The following KANK1 variants were observed in gnomAD, a reference collection of about 807,000 sequenced individuals.
KANK1 encodes the protein KN motif and ankyrin repeat domain-containing protein 1.
A neutral mutation model predicts 106.2 loss-of-function variants in KANK1; 109 were observed. The ratio of observed to expected loss-of-function variants is 1.03; its 90% CI spans 0.88 to 1.20. The LOEUF (loss-of-function observed/expected upper bound fraction) is 1.20, where lower values mean the gene tolerates loss of function less well. Among genes scored for constraint, KANK1 ranks in the 50% most tolerant of loss-of-function variants. The probability of loss-of-function intolerance (pLI) is 0.00; values close to 1 mark genes in which losing one functional copy is unlikely to be tolerated. For synonymous variants in KANK1, 873 were observed against 652.2 expected (o/e 1.34, Z -5.16); for missense variants, 2,399 against 1,710.7 (o/e 1.40, Z -7.10).
At chr9:620,010 G>A (rs61099076) in intron 1 of KANK1, among the ~76,000 whole-genome samples, 13,082 of 152,000 alleles carry the variant, frequency 0.086, 826 homozygotes, top group East Asian at 0.3. Context: ...GGTGGTGTGC[G>A]CCTGTAATCC....
intron 1 of KANK1, chr9:674,497 A>G (rs1941482426): frequency 6.6e-6 from 1 of 152,138 alleles, no homozygotes; most frequent in Non-Finnish European, 1.5e-5. Flanking sequence ...ACAATGAGGG[A>G]AATTTCACTA....
At chr9:539,015 G>C (rs1446213504) in intron 1 of KANK1, among the ~76,000 whole-genome samples, 1 of 151,882 alleles carries the variant, frequency 6.6e-6, no homozygotes, top group Non-Finnish European at 1.5e-5. Flanking sequence ...CGAGTAGCTG[G>C]GATTACAGGC....
chr9:561,797 C>G (rs1353038083), intron 1 of KANK1, among the ~76,000 whole-genome samples: 1 of 152,176 alleles, frequency 6.6e-6, no homozygotes, highest in East Asian at 1.9e-4. Flanking sequence ...ACATTTCAGT[C>G]TTACTATGTA....
At chr9:495,966 TAAAC>T (rs2058453702) in intron 3 of KANK1, among the ~76,000 whole-genome samples, 2 of 146,492 alleles carry the variant, frequency 1.4e-5, no homozygotes, top group Non-Finnish European at 2.9e-5. Context: ...CTAGCATAAT[TAAAC>T]ACACACACAC....
At chr9:507,280 A>C (rs1162089979) in intron 1 of KANK1, among the ~76,000 whole-genome samples, 5 of 151,748 alleles carry the variant, frequency 3.3e-5, no homozygotes, top group African/African-American at 9.7e-5. Flanking sequence ...GCTTTAGCCC[A>C]GGAGTTTGAG....
chr9:575,393 C>G (rs1406820041), intron 1 of KANK1, among the ~76,000 whole-genome samples: 2 of 152,002 alleles, frequency 1.3e-5, no homozygotes, highest in Non-Finnish European at 2.9e-5. Flanking sequence ...AGAGGCCAGG[C>G]ACAGTGGCTC....
intron 1 of KANK1, among the ~76,000 whole-genome samples, chr9:597,324 C>T (rs998083725): frequency 1.3e-5 from 2 of 151,828 alleles, no homozygotes; most frequent in African/African-American, 4.9e-5. Flanking sequence ...TTTCTAGTCC[C>T]ACCAACAATG....
intron 1 of KANK1, among the ~76,000 whole-genome samples, chr9:595,400 G>A (rs1825962828): frequency 6.6e-6 from 1 of 151,894 alleles, no homozygotes; most frequent in Non-Finnish European, 1.5e-5. Context: ...GCCATTGCAG[G>A]AGCACTTCAG....
intron 1 of KANK1, among the ~76,000 whole-genome samples, chr9:553,757 T>G (rs1014730947): frequency 1.3e-5 from 2 of 152,228 alleles, no homozygotes; most frequent in African/African-American, 4.8e-5. Context: ...AGCTTCCCTC[T>G]ATACGAATTT....
intron 2 of KANK1, chr9:706,713 G>C: frequency 1.2e-6 from 1 of 868,806 alleles, no homozygotes; most frequent in Non-Finnish European, 1.4e-6. Context: ...TACTTGCCAC[G>C]TGTCATAAGC....
At chr9:513,311 T>C (rs1195256510) in intron 1 of KANK1, among the ~76,000 whole-genome samples, 1 of 152,238 alleles carries the variant, frequency 6.6e-6, no homozygotes, top group Non-Finnish European at 1.5e-5. Context: ...AGTGTTTGTA[T>C]GTGGATGTGC....
At chr9:641,695 A>G (rs1838475041) in intron 1 of KANK1, among the ~76,000 whole-genome samples, 1 of 152,170 alleles carries the variant, frequency 6.6e-6, no homozygotes, top group African/African-American at 2.4e-5. Context: ...TACCTATCTT[A>G]CATCTTACTC....
At chr9:552,353 G>T (rs531904138) in intron 1 of KANK1, among the ~76,000 whole-genome samples, 25 of 152,250 alleles carry the variant, frequency 1.6e-4, no homozygotes, top group Non-Finnish European at 3.2e-4. Flanking sequence ...TCAGTTAGCC[G>T]GTGATTGCCC....
intron 2 of KANK1, chr9:686,942 G>C: frequency 5.1e-6 from 5 of 984,986 alleles, no homozygotes; most frequent in South Asian, 9.4e-5. Context: ...CTTAGGGCTG[G>C]GGGCTTTTCC....
At chr9:699,139 T>G (rs1822031827) in intron 2 of KANK1, among the ~76,000 whole-genome samples, 1 of 152,176 alleles carries the variant, frequency 6.6e-6, no homozygotes, top group Admixed American at 6.5e-5. Flanking sequence ...ACCGCTCCCT[T>G]GAAGAACCCT....
chr9:584,095 C>A (rs539623721), intron 1 of KANK1, among the ~76,000 whole-genome samples: 1 of 152,182 alleles, frequency 6.6e-6, no homozygotes, highest in East Asian at 1.9e-4. Flanking sequence ...GGATATCTTT[C>A]TCAGCATTAC....
chr9:554,061 C>T (rs931770508), intron 1 of KANK1, among the ~76,000 whole-genome samples: 4 of 152,062 alleles, frequency 2.6e-5, no homozygotes, highest in Non-Finnish European at 5.9e-5. Flanking sequence ...TGAGGGTTCT[C>T]CAAAGAGACA....
Position 598,338 on chromosome 9 carries a change from A to G in KANK1, c.-83-78552A>G, listed in dbSNP as rs914348720. On this transcript the variant is annotated intron_variant, in intron 1 of 11. Transcript: ENST00000382297. ...TCTTTTTTTTAGTGTTGTTTTGGCT[A>G]TTTGGATCCCTTTCAGCTTCATACG... 2.4e-4 allele frequency among the ~76,000 whole-genome samples: 36 copies of G among 151,524 alleles called. 1 individual carries two copies. The highest frequency in any genetic ancestry group is 1.8e-3 in the Admixed American group (27 of 15,228).
chr9:504,179 C>G (rs1056661767), upstream of KANK1, among the ~76,000 whole-genome samples: 1 of 152,188 alleles, frequency 6.6e-6, no homozygotes, highest in African/African-American at 2.4e-5. Context: ...CCAGAACCCC[C>G]GCCCCAGCCG....
Sources: allele counts gnomAD v4.1 joint callset (sites outside exome capture counted in the v4.1 genomes callset), GRCh38; gene constraint gnomAD v4.1.1; transcripts MANE v1.5; gene names NCBI Gene and HGNC (gene_info 2026-07-23, HGNC 2026-07-21).